The following STXBP5L variants were observed in gnomAD, a reference collection of about 807,000 sequenced individuals.
STXBP5L encodes syntaxin-binding protein 5-like.
STXBP5L carries 65 observed loss-of-function variants against 144.5 expected under a neutral mutation model. The ratio of observed to expected loss-of-function variants is 0.45; its 90% confidence interval spans 0.37 to 0.55. The LOEUF (loss-of-function observed/expected upper bound fraction) is 0.55, where lower values mean the gene tolerates loss of function less well. Ranked by LOEUF, STXBP5L falls within the 20% of genes least tolerant of loss-of-function variation. The pLI is 0.00. For synonymous variants in STXBP5L, 505 were observed against 469.6 expected (o/e 1.08, Z -0.97); for missense variants, 1,298 against 1,405.5 (o/e 0.92, Z 1.22).
chr3:121,079,496 CA>C (rs1289803454), intron 5 of STXBP5L, among the ~76,000 whole-genome samples: 2 of 152,306 alleles, frequency 1.3e-5, no homozygotes, highest in South Asian at 4.1e-4. Context: ...GGGAGGGTCA[CA>C]ATTTGCAGCA....
At chr3:121,224,895 T>C (rs1295612404) in intron 11 of STXBP5L, among the ~76,000 whole-genome samples, 1 of 152,108 alleles carries the variant, frequency 6.6e-6, no homozygotes, top group Admixed American at 6.6e-5. Context: ...AGAAGATGTG[T>C]GAGCAATAGA....
In STXBP5L at chr3:121,413,350, A is replaced by G. The variant is rs752272748; in HGVS notation, c.3114+27A>G. 7.9e-5 allele frequency: 119 copies of G among 1,511,952 alleles called. No homozygotes were observed. In the East Asian group the frequency reaches 1.6e-3, roughly 21 times the overall value. The allele number at this position is 1,511,952 out of a possible 1,614,324, so 93.7% of individuals were successfully genotyped here. On this transcript the variant is annotated intron_variant, in intron 24 of 26. Coordinates refer to ENST00000471454, the MANE Select transcript of STXBP5L (RefSeq NM_001308330.2). ...TAGGTCAGGAGTTACATTTATGAAA[A>G]AGACATTGGACATGGTTGAGAGAAT...
In STXBP5L at chr3:120,916,063, C is replaced by T. The variant is rs191477737; in HGVS notation, c.189+6296C>T. ...TATAATAAGAATGAAATAATGCTTT[C>T]TGGGATTGATTTATCAGCAAAATCA... On this transcript the variant is annotated intron_variant, in intron 2 of 26. Transcript: ENST00000471454. Among the ~76,000 whole-genome samples the T allele has an allele frequency of 2.0e-3, 304 of 152,186 alleles. 2 individuals carry two copies. The highest frequency in any genetic ancestry group is 0.014 in the Middle Eastern group (4 of 294).
At chr3:120,974,161 G>C (rs1467261395) in intron 3 of STXBP5L, among the ~76,000 whole-genome samples, 10 of 152,088 alleles carry the variant, frequency 6.6e-5, no homozygotes, top group Non-Finnish European at 1.2e-4. Context: ...CCCACCAACA[G>C]TGTAAAAGTG....
Position 120,909,427 on chromosome 3 carries a change from G to A in STXBP5L, c.-8-144G>A, listed in dbSNP as rs2271686. ...ATTAAAATTTGGCAAAACGAATCCT[G>A]ACTCTTTTTTTCCAGTCGGTCGTAA... is the stretch of plus-strand genomic sequence containing the variant. On this transcript the variant is annotated intron_variant, in intron 1 of 26. Coordinates refer to ENST00000471454, the MANE Select transcript of STXBP5L (RefSeq NM_001308330.2). The A allele has an allele frequency of 6.9e-4, 481 of 696,408 alleles. 4 individuals carry two copies. The East Asian group carries it at 0.013, about 19-fold the overall frequency. The allele number at this position is 696,408 out of a possible 1,614,324, so 43.1% of individuals were successfully genotyped here.
intron 6 of STXBP5L, among the ~76,000 whole-genome samples, chr3:121,118,786 G>C (rs533083451): frequency 6.6e-6 from 1 of 151,526 alleles, no homozygotes; most frequent in Non-Finnish European, 1.5e-5. Flanking sequence ...AAAAATTAAA[G>C]ATGACTTCCC....
At chr3:120,971,369 C>G (rs1035880414) in intron 3 of STXBP5L, among the ~76,000 whole-genome samples, 2 of 148,170 alleles carry the variant, frequency 1.3e-5, no homozygotes, top group Admixed American at 1.4e-4. Context: ...TATCCTTCAC[C>G]CGCACCCCCC....
chr3:121,116,627 T>C (rs1013894700), intron 6 of STXBP5L, among the ~76,000 whole-genome samples: 2 of 152,072 alleles, frequency 1.3e-5, no homozygotes, highest in African/African-American at 2.4e-5. Context: ...ACAACTTTCA[T>C]TTATGTTTTC....
chr3:121,169,336 A>G (rs2108051979), intron 9 of STXBP5L, among the ~76,000 whole-genome samples: 1 of 152,342 alleles, frequency 6.6e-6, no homozygotes, highest in African/African-American at 2.4e-5. Context: ...TTCACACATA[A>G]CAATATTAAC....
rs1030145897 is a variant in STXBP5L at position 121,190,820 on chromosome 3, A to C, written c.878-15103A>C. Among the ~76,000 whole-genome samples the C allele has an allele frequency of 1.1e-3, 165 of 151,256 alleles. 3 individuals carry two copies. The highest frequency in any genetic ancestry group is 1.9e-3 in the Non-Finnish European group (126 of 67,830). Reference sequence around the variant, plus strand: ...TGGGCGGAGGGGCTCCTCACTTCTCAGACGGGGCGGCCAGTCAGAGATGCT... The same window carrying C: ...TGGGCGGAGGGGCTCCTCACTTCTCCGACGGGGCGGCCAGTCAGAGATGCT... On this transcript the variant is annotated intron_variant, in intron 9 of 26. Transcript: ENST00000471454.
At chr3:121,041,115 A>T (rs1947121123) in intron 3 of STXBP5L, among the ~76,000 whole-genome samples, 2 of 144,640 alleles carry the variant, frequency 1.4e-5, no homozygotes, top group African/African-American at 2.6e-5. Context: ...TCTCTTACTT[A>T]TATGTTATGT....
At chr3:121,053,996 A>T (rs1487038096) in intron 5 of STXBP5L, among the ~76,000 whole-genome samples, 1 of 152,234 alleles carries the variant, frequency 6.6e-6, no homozygotes, top group Admixed American at 6.5e-5. Context: ...AAAAATGCTC[A>T]TCATCACTGG....
intron 3 of STXBP5L, among the ~76,000 whole-genome samples, chr3:121,010,632 CT>C (rs1944702991): frequency 6.6e-6 from 1 of 151,770 alleles, no homozygotes; most frequent in Non-Finnish European, 1.5e-5. Context: ...TCTACAAAAA[CT>C]TTACTAATAG....
intron 5 of STXBP5L, among the ~76,000 whole-genome samples, chr3:121,103,016 C>A (rs1324154302): frequency 6.6e-6 from 1 of 151,904 alleles, no homozygotes; most frequent in Non-Finnish European, 1.5e-5. Context: ...ATCTCCTACC[C>A]ATCAGAATGG....
chr3:121,088,041 C>G (rs981538159), intron 5 of STXBP5L, among the ~76,000 whole-genome samples: 36 of 151,870 alleles, frequency 2.4e-4, no homozygotes, highest in Admixed American at 5.3e-4. Context: ...CAGCTTTAAC[C>G]ATCAAATATA....
At chr3:121,375,816 A>G (rs551253960) in intron 20 of STXBP5L, among the ~76,000 whole-genome samples, 2 of 152,324 alleles carry the variant, frequency 1.3e-5, no homozygotes, top group South Asian at 4.1e-4. Flanking sequence ...TTCATGTTCA[A>G]CATGGCCAAT....
intron 5 of STXBP5L, among the ~76,000 whole-genome samples, chr3:121,095,136 G>A (rs1332578421): frequency 6.6e-6 from 1 of 152,176 alleles, no homozygotes; most frequent in Non-Finnish European, 1.5e-5. Flanking sequence ...CTGGCTTGTA[G>A]AGTTTCTGCC....
intron 10 of STXBP5L, among the ~76,000 whole-genome samples, chr3:121,210,906 C>A (rs2048536687): frequency 6.6e-6 from 1 of 152,120 alleles, no homozygotes; most frequent in Admixed American, 6.6e-5. Flanking sequence ...ATTGTCTTGG[C>A]AATACGGGAC....
chr3:121,242,776 A>G (rs941281691), intron 14 of STXBP5L, among the ~76,000 whole-genome samples: 1 of 152,162 alleles, frequency 6.6e-6, no homozygotes, highest in Non-Finnish European at 1.5e-5. Context: ...TGAGAGTAAA[A>G]AGACAGAAAA....
Sources: allele counts gnomAD v4.1 joint callset (sites outside exome capture counted in the v4.1 genomes callset), GRCh38; gene constraint gnomAD v4.1.1; transcripts MANE v1.5; gene names NCBI Gene and HGNC (gene_info 2026-07-23, HGNC 2026-07-21).